The following SWAP70 variants were observed in gnomAD, a reference collection of about 807,000 sequenced individuals.
The protein encoded by SWAP70 is switch-associated protein 70.
SWAP70 carries 34 observed loss-of-function variants against 80.2 expected under a neutral mutation model. The observed-to-expected ratio is 0.42, with a 90% confidence interval of 0.32 to 0.56. The LOEUF (loss-of-function observed/expected upper bound fraction) is 0.56, where lower values mean the gene tolerates loss of function less well. Ranked by LOEUF, SWAP70 falls within the 20% of genes least tolerant of loss-of-function variation. SWAP70 has a pLI of 0.09. For synonymous variants in SWAP70, 239 were observed against 238.5 expected, an observed-to-expected ratio of 1.00 and a Z score of -0.02; for missense variants, 578 against 690.7, an observed-to-expected ratio of 0.84 and a Z score of 1.83.
chr11:9,712,158 C>T (rs1343767646), intron 2 of SWAP70, among the ~76,000 whole-genome samples: 1 of 152,182 alleles, frequency 6.6e-6, no homozygotes, highest in African/African-American at 2.4e-5. Flanking sequence ...ATCTCTATTA[C>T]AGTACTTGTC....
chr11:9,686,412 G>T (rs772848638), intron 1 of SWAP70, among the ~76,000 whole-genome samples: 1 of 150,534 alleles, frequency 6.6e-6, no homozygotes, highest in Non-Finnish European at 1.5e-5. Flanking sequence ...CAGAGCTGGA[G>T]TACAGCGGCA....
chr11:9,668,548 G>A (rs940414714), intron 1 of SWAP70, among the ~76,000 whole-genome samples: 2 of 152,140 alleles, frequency 1.3e-5, no homozygotes, highest in Admixed American at 6.6e-5. Context: ...TGGGAGTAGA[G>A]TTTTTGCCTT....
intron 1 of SWAP70, among the ~76,000 whole-genome samples, chr11:9,668,286 C>G (rs1211445751): frequency 6.6e-6 from 1 of 152,164 alleles, no homozygotes; most frequent in African/African-American, 2.4e-5. Context: ...ATACTTTATT[C>G]AAAATTGTCT....
At chr11:9,694,591 A>C (rs1337230409) in intron 2 of SWAP70, among the ~76,000 whole-genome samples, 1 of 152,248 alleles carries the variant, frequency 6.6e-6, no homozygotes, top group Non-Finnish European at 1.5e-5. Flanking sequence ...TCTAATATCC[A>C]GAATTTACAA....
chr11:9,713,544 C>T lies in SWAP70; in HGVS notation c.319C>T (p.Pro107Ser). The change falls in exon 3 of 12, where the codon CCC (proline) becomes TCC (serine). Residue 107 changes from proline to serine, a missense_variant. Coordinates refer to ENST00000318950, the MANE Select transcript of SWAP70 (RefSeq NM_015055.4). ...TGTCAAAAAAAACCTCACAAAGAAT[C>T]CCCTGCTCATTACAGAAGAAGATGC... ...LCVKKNLTKN[P>S]LLITEEDAFK... 1 of 1,613,986 alleles carries T rather than the reference C, an allele frequency of 6.2e-7. No homozygotes were observed. The highest frequency in any genetic ancestry group is 8.5e-7 in the Non-Finnish European group (1 of 1,179,964).
intron 1 of SWAP70, among the ~76,000 whole-genome samples, chr11:9,671,578 ATATATTTC>A (rs1277245614): frequency 1.5e-4 from 9 of 58,628 alleles, no homozygotes; most frequent in Non-Finnish European, 1.9e-4. Flanking sequence ...TTATATAGAA[ATATATTTC>A]TATATATAAA....
intron 2 of SWAP70, among the ~76,000 whole-genome samples, chr11:9,712,954 C>G (rs1851018168): frequency 6.6e-6 from 1 of 152,190 alleles, no homozygotes; most frequent in Non-Finnish European, 1.5e-5. Context: ...GCCTCGGCCT[C>G]CCAGAGTGCT....
intron 1 of SWAP70, among the ~76,000 whole-genome samples, chr11:9,679,430 G>A (rs1477571976): frequency 6.6e-6 from 1 of 152,148 alleles, no homozygotes; most frequent in Admixed American, 6.5e-5. Context: ...AGTTCCTAGG[G>A]TGATGGATAC....
intron 2 of SWAP70, among the ~76,000 whole-genome samples, chr11:9,702,802 A>G (rs928862170): frequency 2.0e-5 from 3 of 152,218 alleles, no homozygotes; most frequent in South Asian, 2.1e-4. Flanking sequence ...ATAGAGGACT[A>G]TAAACTTTTG....
chr11:9,666,583 T>C (rs183205653), intron 1 of SWAP70, among the ~76,000 whole-genome samples: 2 of 152,274 alleles, frequency 1.3e-5, no homozygotes, highest in African/African-American at 4.8e-5. Flanking sequence ...GTAATTGTCA[T>C]ATTTATTAAT....
chr11:9,719,786 A>G (rs1387104367), intron 3 of SWAP70, among the ~76,000 whole-genome samples: 2 of 152,220 alleles, frequency 1.3e-5, no homozygotes, highest in Non-Finnish European at 2.9e-5. Flanking sequence ...CCAGGAACAA[A>G]ACAGGATGTG....
chr11:9,682,450 A>C (rs1322161748), intron 1 of SWAP70, among the ~76,000 whole-genome samples: 2 of 152,226 alleles, frequency 1.3e-5, no homozygotes, highest in African/African-American at 4.8e-5. Flanking sequence ...CGTGAGGCAG[A>C]TTTAGAATAG....
intron 9 of SWAP70, among the ~76,000 whole-genome samples, chr11:9,747,194 GTGCAACA>G (rs1851523099): frequency 6.6e-6 from 1 of 152,172 alleles, no homozygotes; most frequent in African/African-American, 2.4e-5. Context: ...ATTATAACCT[GTGCAACA>G]TACTTTTAAA....
intron 2 of SWAP70, among the ~76,000 whole-genome samples, chr11:9,711,225 A>G (rs931463973): frequency 2.0e-5 from 3 of 152,120 alleles, no homozygotes; most frequent in African/African-American, 7.2e-5. Context: ...CTGGTGCAGA[A>G]TGTGGCTTTT....
chr11:9,744,280 A>C (rs999046691), intron 9 of SWAP70, among the ~76,000 whole-genome samples: 1 of 152,116 alleles, frequency 6.6e-6, no homozygotes, highest in Non-Finnish European at 1.5e-5. Flanking sequence ...TAATTTTAAA[A>C]ATTACGATTG....
intron 3 of SWAP70, among the ~76,000 whole-genome samples, chr11:9,718,641 A>G (rs1564827043): frequency 6.6e-6 from 1 of 151,604 alleles, no homozygotes; most frequent in South Asian, 2.1e-4. Context: ...GTATAATGTC[A>G]TAATTTTTCA....
intron 1 of SWAP70, chr11:9,681,160 C>G (rs1014548835): frequency 1.3e-5 from 2 of 152,276 alleles, no homozygotes; most frequent in African/African-American, 4.8e-5. Flanking sequence ...GACAAGCTCT[C>G]AAGGTCTTGA....
intron 1 of SWAP70, among the ~76,000 whole-genome samples, chr11:9,669,428 C>A (rs768382725): frequency 8.6e-4 from 131 of 152,288 alleles, no homozygotes; most frequent in Non-Finnish European, 1.7e-3. Flanking sequence ...CAGGGTTTCA[C>A]CATGTTGGCC....
At chr11:9,670,152 C>T (rs1471197711) in intron 1 of SWAP70, among the ~76,000 whole-genome samples, 2 of 151,896 alleles carry the variant, frequency 1.3e-5, no homozygotes, top group African/African-American at 4.8e-5. Context: ...ATAACAGAAA[C>T]CATTGCAATA....
Sources: allele counts gnomAD v4.1 joint callset (sites outside exome capture counted in the v4.1 genomes callset), GRCh38; gene constraint gnomAD v4.1.1; transcripts MANE v1.5; gene names NCBI Gene and HGNC (gene_info 2026-07-23, HGNC 2026-07-21).